DEPDC1B: variants seen among roughly 807,000 people sequenced by gnomAD.
DEPDC1B encodes the protein DEP domain containing 1B.
Under a neutral mutation model 66.5 loss-of-function variants are expected in DEPDC1B, and 51 were observed. The observed-to-expected ratio is 0.77, with a 90% CI of 0.61 to 0.97. The LOEUF is 0.97. DEPDC1B is among the 50% of genes least tolerant of loss of function. DEPDC1B has a pLI of 0.00. For synonymous variants in DEPDC1B, 226 were observed against 223.6 expected, an observed-to-expected ratio of 1.01 and a Z score of -0.10; for missense variants, 552 against 637.1, an observed-to-expected ratio of 0.87 and a Z score of 1.44.
At chr5:60,638,643 A>AT in intron 7 of DEPDC1B, 107 bp downstream of exon 7, 1 of 1,183,792 alleles carries the variant, frequency 8.4e-7, no homozygotes, top group Non-Finnish European at 1.2e-6. Context: ...ATCAGTTTTT[A>AT]TTTTTAAAAT....
At chr5:60,692,421 T>C (rs1268818549) in intron 1 of DEPDC1B, among the ~76,000 whole-genome samples, 1 of 152,222 alleles carries the variant, frequency 6.6e-6, no homozygotes, top group Non-Finnish European at 1.5e-5. Context: ...AACATCATTT[T>C]GTACCCTATG....
At chr5:60,671,709 T>C (rs1754038467) in intron 2 of DEPDC1B, among the ~76,000 whole-genome samples, 1 of 152,202 alleles carries the variant, frequency 6.6e-6, no homozygotes, top group African/African-American at 2.4e-5. Context: ...CCCCTGGCAT[T>C]AAATCTCTTG....
chr5:60,598,970 C>T, intron 10 of DEPDC1B, 105 bp downstream of exon 10: 1 of 985,936 alleles, frequency 1.0e-6, no homozygotes, highest in Non-Finnish European at 1.4e-6. Context: ...TAGAAAACTG[C>T]TATGGCTCAG....
intron 2 of DEPDC1B, among the ~76,000 whole-genome samples, chr5:60,667,776 C>A (rs781290047): frequency 1.1e-5 from 1 of 87,188 alleles, no homozygotes; most frequent in African/African-American, 4.0e-5. Context: ...GGATATTTTA[C>A]ATATATATAA....
chr5:60,678,412 T>C (rs1352470964), intron 2 of DEPDC1B, among the ~76,000 whole-genome samples: 1 of 152,194 alleles, frequency 6.6e-6, no homozygotes, highest in East Asian at 1.9e-4. Flanking sequence ...TTTGTCTCTC[T>C]AGGATAAATA....
At chr5:60,657,817 T>G (rs908131865) in intron 2 of DEPDC1B, among the ~76,000 whole-genome samples, 1 of 152,240 alleles carries the variant, frequency 6.6e-6, no homozygotes, top group African/African-American at 2.4e-5. Flanking sequence ...TTTGAGCTTC[T>G]TGTATTTGGA....
chr5:60,631,294 G>A (rs921291726), intron 7 of DEPDC1B, among the ~76,000 whole-genome samples: 17 of 152,226 alleles, frequency 1.1e-4, no homozygotes, highest in African/African-American at 4.1e-4. Flanking sequence ...AAGAATCAAT[G>A]AATATGATTA....
intron 7 of DEPDC1B, among the ~76,000 whole-genome samples, chr5:60,623,918 G>T (rs1752759753): frequency 6.6e-6 from 1 of 151,978 alleles, no homozygotes; most frequent in Admixed American, 6.6e-5. Context: ...CTTTTTGGGG[G>T]CAGATTTCTT....
intron 7 of DEPDC1B, among the ~76,000 whole-genome samples, chr5:60,621,194 C>T (rs559497572): frequency 1.4e-4 from 21 of 151,198 alleles, no homozygotes; most frequent in African/African-American, 2.2e-4. Flanking sequence ...TGTTAAATGA[C>T]GAGTTAATGG....
chr5:60,597,744 G>C lies in DEPDC1B; in HGVS notation c.*9C>G, dbSNP rs536280731. ...GTGGTCTCTAGCACCTGTTGCTGTG[G>C]AAGTATTATTACATTCGAAAACTTC... On this transcript the variant is annotated 3_prime_UTR_variant, in exon 11 of 11. Coordinates refer to ENST00000265036, the MANE Select transcript of DEPDC1B (RefSeq NM_018369.3). 6.2e-6 allele frequency: 10 copies of C among 1,610,836 alleles called. No individual in the cohort carries two copies. Among genetic ancestry groups the C allele is most frequent in the Non-Finnish European group, 8.5e-6 (10 of 1,179,002 alleles).
At chr5:60,695,605 T>C (rs901701756) in intron 1 of DEPDC1B, among the ~76,000 whole-genome samples, 3 of 152,174 alleles carry the variant, frequency 2.0e-5, no homozygotes, top group Non-Finnish European at 4.4e-5. Context: ...AATTATGCCA[T>C]GCTTTTCTAA....
intron 6 of DEPDC1B, 139 bp downstream of exon 6, chr5:60,642,673 A>G: frequency 1.6e-6 from 1 of 630,688 alleles, no homozygotes; most frequent in Non-Finnish European, 2.8e-6. Context: ...TATCACTAAA[A>G]GCACAGTAGT....
At chr5:60,606,056 A>C (rs1254435796) in intron 7 of DEPDC1B, among the ~76,000 whole-genome samples, 200 bp from the exon 8 acceptor site, 2 of 152,182 alleles carry the variant, frequency 1.3e-5, no homozygotes, top group African/African-American at 4.8e-5. Flanking sequence ...CAGGCATGAC[A>C]AATATATAGA....
intron 2 of DEPDC1B, among the ~76,000 whole-genome samples, chr5:60,680,846 T>G (rs1754281269): frequency 6.6e-6 from 1 of 152,070 alleles, no homozygotes; most frequent in African/African-American, 2.4e-5. Flanking sequence ...TTCACTAATA[T>G]ATTTGATAAA....
intron 2 of DEPDC1B, among the ~76,000 whole-genome samples, chr5:60,681,014 T>C (rs1296017859): frequency 6.6e-6 from 1 of 152,256 alleles, no homozygotes; most frequent in Non-Finnish European, 1.5e-5. Flanking sequence ...ACAACTAGGA[T>C]ACTACCATTT....
At position 60,644,857 on chromosome 5, in the gene DEPDC1B, G is replaced by A. The variant is rs766451194; in HGVS notation, c.597C>T (p.Gly199=). 2.4e-5 allele frequency: 38 copies of A among 1,603,658 alleles called. No individual in the cohort carries two copies. Among genetic ancestry groups the A allele is most frequent in the Admixed American group, 2.2e-4 (13 of 58,836 alleles). The change falls in exon 5 of 11, where the codon GGC becomes GGT. Residue 199 remains glycine, a synonymous_variant. Transcript: ENST00000265036. ...MTLSYLQKIL[G]LDSLEEVLDV... is the part of the protein sequence containing the mutation. ...CTAAAACTTCTTCTAAGGAATCCAG[G>A]CCAAGAATTTTCTGTAAGCTAAAAG...
At chr5:60,637,468 AGTC>A (rs1753069636) in intron 7 of DEPDC1B, among the ~76,000 whole-genome samples, 1 of 152,240 alleles carries the variant, frequency 6.6e-6, no homozygotes. Flanking sequence ...CTTCTTGAAC[AGTC>A]TGCAGAACCA....
At chr5:60,611,226 G>A (rs1171240371) in intron 7 of DEPDC1B, among the ~76,000 whole-genome samples, 2 of 152,154 alleles carry the variant, frequency 1.3e-5, no homozygotes, top group Non-Finnish European at 2.9e-5. Flanking sequence ...TACTGTAAGT[G>A]TTTGGGGGAA....
chr5:60,612,484 C>T (rs772745197), intron 7 of DEPDC1B, among the ~76,000 whole-genome samples: 3 of 120,478 alleles, frequency 2.5e-5, no homozygotes, highest in African/African-American at 6.2e-5. Context: ...GAAATGACAA[C>T]ACATGGTTTA....
Sources: allele counts gnomAD v4.1 joint callset (sites outside exome capture counted in the v4.1 genomes callset), GRCh38; gene constraint gnomAD v4.1.1; transcripts MANE v1.5; gene names NCBI Gene and HGNC (gene_info 2026-07-23, HGNC 2026-07-21).